The following UGT2A3 variants were observed in gnomAD, a reference collection of about 807,000 sequenced individuals.
UGT2A3 encodes UDP glucuronosyltransferase family 2 member A3, also known as UDP-glucuronosyltransferase 2A3.
In UGT2A3, 55 loss-of-function variants were observed where a neutral mutation model predicts 44.1. The ratio of observed to expected loss-of-function variants is 1.25; its 90% CI spans 1.00 to 1.56. UGT2A3 has a LOEUF of 1.56. Ranked by LOEUF, UGT2A3 falls within the 40% of genes most tolerant of loss-of-function variation. The pLI is 0.00. For synonymous variants in UGT2A3, 243 were observed against 215.1 expected (o/e 1.13, Z -1.13); for missense variants, 733 against 621.6 (o/e 1.18, Z -1.91).
At chr4:68,943,961 C>A (rs574339096) in intron 2 of UGT2A3, among the ~76,000 whole-genome samples, 1 of 151,830 alleles carries the variant, frequency 6.6e-6, no homozygotes, top group Non-Finnish European at 1.5e-5. Context: ...AACATTTTGG[C>A]ACATAGATCC....
At chr4:68,941,928 A>G (rs539272483) in intron 2 of UGT2A3, among the ~76,000 whole-genome samples, 3 of 152,034 alleles carry the variant, frequency 2.0e-5, no homozygotes, top group African/African-American at 7.2e-5. Flanking sequence ...TCAAAACTAC[A>G]ATGAGATATC....
chr4:68,947,802 T>C (rs542552745), intron 1 of UGT2A3, among the ~76,000 whole-genome samples: 2 of 151,924 alleles, frequency 1.3e-5, no homozygotes, highest in East Asian at 3.9e-4. Context: ...GAATTGTCAA[T>C]GAGCAGCAAT....
At chr4:68,946,917 A>G (rs1421790154) in intron 1 of UGT2A3, among the ~76,000 whole-genome samples, 7 of 151,724 alleles carry the variant, frequency 4.6e-5, no homozygotes, top group Admixed American at 3.3e-4. Flanking sequence ...GAATGCACAT[A>G]CCTTAGTTAA....
rs1718183944 is a variant in UGT2A3 at position 68,941,455 on chromosome 4, G to A, written c.864+3851C>T. ...TATCCACATGCAGAAAATGAAACTA[G>A]ACCTCTATCCCTCACCATATACAAA... On this transcript the variant is annotated intron_variant, in intron 2 of 5. Coordinates refer to ENST00000251566, the MANE Select transcript of UGT2A3 (RefSeq NM_024743.4). Among the ~76,000 whole-genome samples, 3 of 151,762 alleles carry A rather than the reference G, an allele frequency of 2.0e-5. No individual in the cohort carries two copies. In the South Asian group the frequency reaches 6.2e-4, roughly 31 times the overall value.
At chr4:68,931,385 T>C in intron 3 of UGT2A3, 143 bp from the exon 4 acceptor site, 1 of 549,784 alleles carries the variant, frequency 1.8e-6, no homozygotes, top group Non-Finnish European at 3.1e-6. Flanking sequence ...GCGTAAAGAC[T>C]GAAAGATATA....
At position 68,947,113 on chromosome 4, in the gene UGT2A3, A is replaced by C. The variant is rs144868046; in HGVS notation, c.716-1659T>G. 4.6e-5 allele frequency among the ~76,000 whole-genome samples: 7 copies of C among 151,870 alleles called. No homozygotes were observed. The East Asian group carries it at 1.4e-3, about 30-fold the overall frequency. On this transcript the variant is annotated intron_variant, in intron 1 of 5. Coordinates refer to ENST00000251566, the MANE Select transcript of UGT2A3 (RefSeq NM_024743.4). ...GAATTGACTCATCTTTTCATGAAAG[A>C]TTTCTCTGTAGCATATGATGATGTT...
intron 2 of UGT2A3, among the ~76,000 whole-genome samples, chr4:68,944,223 G>C (rs1470894250): frequency 6.6e-6 from 1 of 151,774 alleles, no homozygotes; most frequent in African/African-American, 2.4e-5. Context: ...AGAAGACATA[G>C]GTCATACAAG....
chr4:68,944,506 C>T (rs1245924677), intron 2 of UGT2A3, among the ~76,000 whole-genome samples: 3 of 151,772 alleles, frequency 2.0e-5, no homozygotes. Context: ...TTGTTTCTTT[C>T]AACATTCCTT....
At chr4:68,943,959 G>C (rs750665974) in intron 2 of UGT2A3, among the ~76,000 whole-genome samples, 2 of 151,754 alleles carry the variant, frequency 1.3e-5, no homozygotes, top group Non-Finnish European at 2.9e-5. Context: ...TTAACATTTT[G>C]GCACATAGAT....
At chr4:68,949,338 G>A (rs1021671257) in intron 1 of UGT2A3, among the ~76,000 whole-genome samples, 2 of 151,806 alleles carry the variant, frequency 1.3e-5, no homozygotes, top group African/African-American at 4.8e-5. Context: ...GTGTCTCAGG[G>A]AATAGGGAGG....
rs376003923 is a variant in UGT2A3, at chr4:68,930,770, T to C, written c.1085-5A>G. 1.9e-6 allele frequency: 3 copies of C among 1,567,062 alleles called. No individual in the cohort carries two copies. Among genetic ancestry groups the C allele is most frequent in the African/African-American group, 1.4e-5 (1 of 72,708 alleles). ...AAGCTTTGGTTTTGGGATGACCTAGTATGTAAATTGGATGAGAAATGGTGA... is the reference window on the plus strand; with the variant it reads ...AAGCTTTGGTTTTGGGATGACCTAGCATGTAAATTGGATGAGAAATGGTGA... On this transcript the variant is annotated splice_polypyrimidine_tract_variant and splice_region_variant and intron_variant, in intron 4 of 5. Coordinates refer to ENST00000251566, the MANE Select transcript of UGT2A3 (RefSeq NM_024743.4).
intron 2 of UGT2A3, among the ~76,000 whole-genome samples, chr4:68,937,974 T>C (rs1038108876): frequency 6.6e-6 from 1 of 152,088 alleles, no homozygotes; most frequent in Non-Finnish European, 1.5e-5. Flanking sequence ...AACGGATGAA[T>C]TCCTGGACAC....
chr4:68,931,501 C>T (rs1717734877), intron 3 of UGT2A3, among the ~76,000 whole-genome samples: 1 of 151,620 alleles, frequency 6.6e-6, no homozygotes, highest in Non-Finnish European at 1.5e-5. Context: ...ATGAGAATAC[C>T]AGTGAATATT....
intron 2 of UGT2A3, among the ~76,000 whole-genome samples, chr4:68,940,440 T>C (rs1352895086): frequency 1.3e-5 from 2 of 151,882 alleles, no homozygotes; most frequent in African/African-American, 2.4e-5. Context: ...CAGCAAACTA[T>C]CACAAGGATA....
At chr4:68,949,315 A>T (rs1718496594) in intron 1 of UGT2A3, among the ~76,000 whole-genome samples, 1 of 151,832 alleles carries the variant, frequency 6.6e-6, no homozygotes, top group Non-Finnish European at 1.5e-5. Context: ...AAGTCATTGT[A>T]TGTTATATTA....
Position 68,945,286 on chromosome 4 carries a change from C to A in UGT2A3, c.864+20G>T, listed in dbSNP as rs376884548. 1.2e-6 allele frequency: 2 copies of A among 1,609,756 alleles called. No homozygotes were observed. The highest frequency in any genetic ancestry group is 1.7e-6 in the Non-Finnish European group (2 of 1,177,594). The stretch of plus-strand genomic sequence containing the variant: ...GTCATGTCATAAAGTACATAATATT[C>A]CTTAATACAATAGTCCTACCTTAGG... On this transcript the variant is annotated intron_variant, in intron 2 of 5. Transcript: ENST00000251566.
chr4:68,946,085 T>C (rs1156952721), intron 1 of UGT2A3, among the ~76,000 whole-genome samples: 3 of 151,648 alleles, frequency 2.0e-5, no homozygotes, highest in African/African-American at 7.2e-5. Flanking sequence ...GAAGCACCTA[T>C]GTACATGCTA....
rs550542446 is a variant in UGT2A3 at position 68,929,678 on chromosome 4, C to G, written c.*135G>C. The G allele has an allele frequency of 1.3e-6, 1 of 799,352 alleles. No homozygotes were observed. The highest frequency in any genetic ancestry group is 2.6e-5 in the Admixed American group (1 of 38,830). The allele number at this position is 799,352 out of a possible 1,614,324, so 49.5% of individuals were successfully genotyped here. A position where few individuals can be genotyped will look rare whatever the true frequency, so the allele number is the denominator to read the frequency against. ...TGAGATATACTCACAACCTCATGAT[C>G]GTGGAATTCTAGGCTATATAGCTAA... On this transcript the variant is annotated 3_prime_UTR_variant, in exon 6 of 6. Coordinates refer to ENST00000251566, the MANE Select transcript of UGT2A3 (RefSeq NM_024743.4).
intron 3 of UGT2A3, 122 bp downstream of exon 3, chr4:68,932,506 A>C: frequency 8.9e-7 from 1 of 1,120,834 alleles, no homozygotes; most frequent in South Asian, 1.7e-5. Context: ...GTACACTACT[A>C]TAATGTTTTG....
Sources: gnomAD v4.1 joint callset for allele counts (sites outside exome capture counted in the v4.1 genomes callset) on GRCh38, gnomAD v4.1.1 for gene constraint, MANE v1.5 for transcripts, NCBI Gene and HGNC (gene_info 2026-07-23, HGNC 2026-07-21) for gene names.